Variants in ZNF407 observed in about 807,000 individuals in gnomAD.
ZNF407 encodes the protein zinc finger protein 407.
In ZNF407, 17 loss-of-function variants were observed where a neutral mutation model predicts 131.2. The observed-to-expected ratio is 0.13, with a 90% CI of 0.09 to 0.19. ZNF407 has a LOEUF of 0.19. ZNF407 is among the 10% of genes least tolerant of loss of function. The probability of loss-of-function intolerance (pLI) is 1.00; values close to 1 mark genes in which losing one functional copy is unlikely to be tolerated. For missense variants in ZNF407, 2,681 were observed against 2,830.6 expected (o/e 0.95, Z 1.20); for synonymous variants, 1,156 against 1,062.0 (o/e 1.09, Z -1.72).
chr18:75,030,194 A>G (rs1312781658), intron 8 of ZNF407, among the ~76,000 whole-genome samples: 2 of 152,362 alleles, frequency 1.3e-5, no homozygotes, highest in East Asian at 3.9e-4. Context: ...GTGAATCTTC[A>G]CATTGGAAAT....
chr18:74,842,417 T>A (rs1009845427), intron 4 of ZNF407, among the ~76,000 whole-genome samples: 3 of 152,164 alleles, frequency 2.0e-5, no homozygotes, highest in Non-Finnish European at 4.4e-5. Flanking sequence ...AATTTTTAAA[T>A]TCCTACTACT....
chr18:74,988,049 A>G (rs574027070), intron 8 of ZNF407, among the ~76,000 whole-genome samples: 1 of 152,322 alleles, frequency 6.6e-6, no homozygotes, highest in Admixed American at 6.5e-5. Context: ...TCCAATACCT[A>G]CTCTAAAGAT....
intron 3 of ZNF407, among the ~76,000 whole-genome samples, chr18:74,644,227 A>G (rs140530169): frequency 2.7e-3 from 384 of 140,116 alleles, no homozygotes; most frequent in Middle Eastern, 7.7e-3. Flanking sequence ...TGTTAAAAAT[A>G]TCCAAATGTG....
chr18:74,967,809 T>C (rs1972426138), intron 8 of ZNF407, among the ~76,000 whole-genome samples: 2 of 152,242 alleles, frequency 1.3e-5, no homozygotes, highest in South Asian at 4.1e-4. Flanking sequence ...TTTCTTAAAA[T>C]TGACAATGGG....
intron 3 of ZNF407, among the ~76,000 whole-genome samples, chr18:74,731,768 A>T (rs1379008365): frequency 6.6e-6 from 1 of 152,130 alleles, no homozygotes; most frequent in East Asian, 1.9e-4. Flanking sequence ...ATGCAGAAGG[A>T]TCCCTGGGGT....
chr18:74,700,806 G>C (rs1051426808), intron 3 of ZNF407, among the ~76,000 whole-genome samples: 4 of 152,096 alleles, frequency 2.6e-5, no homozygotes, highest in South Asian at 4.1e-4. Flanking sequence ...GTACTGGTTT[G>C]CTTCTGGAAC....
intron 4 of ZNF407, among the ~76,000 whole-genome samples, chr18:74,872,430 TCA>T (rs1971100233): frequency 6.6e-6 from 1 of 152,168 alleles, no homozygotes; most frequent in Non-Finnish European, 1.5e-5. Flanking sequence ...GTTTGTCTAC[TCA>T]CAACCTGACG....
intron 8 of ZNF407, among the ~76,000 whole-genome samples, chr18:74,942,331 T>C (rs754600601): frequency 2.8e-4 from 42 of 152,316 alleles, no homozygotes; most frequent in Non-Finnish European, 5.3e-4. Flanking sequence ...TTGGATGATC[T>C]GGCAAGATTT....
Position 74,852,205 on chromosome 18 carries a change from A to G in ZNF407, c.4878-24992A>G, listed in dbSNP as rs969909904. Among the ~76,000 whole-genome samples the G allele has an allele frequency of 5.1e-4, 77 of 149,842 alleles. No individual in the cohort carries two copies. The South Asian group carries it at 0.016, about 31-fold the overall frequency. On this transcript the variant is annotated intron_variant, in intron 4 of 8. Coordinates refer to ENST00000299687, the MANE Select transcript of ZNF407 (RefSeq NM_017757.3). ...CACACACACACACACACACGCACGC[A>G]CGCACGCGCACGCGCGCGCGCATTG...
chr18:74,824,784 AC>A (rs1420430930), intron 4 of ZNF407, among the ~76,000 whole-genome samples: 1 of 152,226 alleles, frequency 6.6e-6, no homozygotes, highest in Non-Finnish European at 1.5e-5. Context: ...TACCAGAGGT[AC>A]CAAGAAGAGC....
chr18:74,928,147 A>T, intron 8 of ZNF407, among the ~76,000 whole-genome samples: 1 of 152,196 alleles, frequency 6.6e-6, no homozygotes, highest in East Asian at 1.9e-4. Context: ...GACAGAAGTT[A>T]TAGCCAAAGA....
intron 3 of ZNF407, among the ~76,000 whole-genome samples, chr18:74,651,406 T>C (rs1985219417): frequency 6.6e-6 from 1 of 152,108 alleles, no homozygotes; most frequent in African/African-American, 2.4e-5. Flanking sequence ...TGTTAAAAGC[T>C]GAAGAAAAAG....
intron 3 of ZNF407, among the ~76,000 whole-genome samples, chr18:74,745,539 CCA>C (rs1408795122): frequency 6.6e-6 from 1 of 152,144 alleles, no homozygotes; most frequent in African/African-American, 2.4e-5. Flanking sequence ...TATTGTGGTT[CCA>C]CAGAGTTTCA....
At chr18:74,976,810 T>A (rs1432988418) in intron 8 of ZNF407, among the ~76,000 whole-genome samples, 1 of 152,246 alleles carries the variant, frequency 6.6e-6, no homozygotes, top group Non-Finnish European at 1.5e-5. Context: ...TTCTGTCACA[T>A]GTTCGTGTCA....
intron 8 of ZNF407, among the ~76,000 whole-genome samples, chr18:75,029,427 C>G (rs1973211282): frequency 6.6e-6 from 1 of 152,198 alleles, no homozygotes. Context: ...ACTCCTGGAT[C>G]TCTTCTCTCT....
intron 8 of ZNF407, among the ~76,000 whole-genome samples, chr18:74,957,709 C>T (rs895693931): frequency 6.6e-6 from 1 of 152,114 alleles, no homozygotes; most frequent in Non-Finnish European, 1.5e-5. Flanking sequence ...TAATGGGAAG[C>T]TCTTTACAGA....
Position 75,021,895 on chromosome 18 carries a change from G to C in ZNF407, c.5429-41255G>C, listed in dbSNP as rs999251786. On this transcript the variant is annotated intron_variant, in intron 8 of 8. Transcript: ENST00000299687. ...ATGTCAGAAGTTCCCAGAATAAAAA[G>C]GCAACTAGAATACTGAGAAAGTATT... is the stretch of plus-strand genomic sequence containing the variant. 7.8e-4 allele frequency among the ~76,000 whole-genome samples: 119 copies of C among 151,798 alleles called. 1 individual carries two copies. In the Middle Eastern group the frequency reaches 0.017, roughly 22 times the overall value.
intron 1 of ZNF407, among the ~76,000 whole-genome samples, chr18:74,624,543 T>C (rs1983705507): frequency 6.6e-6 from 1 of 152,256 alleles, no homozygotes; most frequent in South Asian, 2.1e-4. Flanking sequence ...AGATTGTCTC[T>C]GCCTTCAGTA....
intron 3 of ZNF407, among the ~76,000 whole-genome samples, chr18:74,655,518 G>A (rs1050913410): frequency 3.9e-5 from 6 of 152,036 alleles, no homozygotes; most frequent in Non-Finnish European, 5.9e-5. Flanking sequence ...ATAAGTACCA[G>A]TATTGACTCT....
Sources: gnomAD v4.1 joint callset for allele counts (sites outside exome capture counted in the v4.1 genomes callset) on GRCh38, gnomAD v4.1.1 for gene constraint, MANE v1.5 for transcripts, NCBI Gene and HGNC (gene_info 2026-07-23, HGNC 2026-07-21) for gene names.